The following OLFM3 variants were observed in gnomAD, a reference collection of about 807,000 sequenced individuals.
OLFM3 encodes the protein noelin-3.
A neutral mutation model predicts 48.6 loss-of-function variants in OLFM3; 20 were observed. That is an observed-to-expected ratio of 0.41 (90% confidence interval 0.29 to 0.60). The LOEUF (loss-of-function observed/expected upper bound fraction) is 0.60. Ranked by LOEUF, OLFM3 falls within the 20% of genes least tolerant of loss-of-function variation. The pLI is 0.28. For synonymous variants in OLFM3, 222 were observed against 198.1 expected (o/e 1.12, Z -1.01); for missense variants, 437 against 544.3 (o/e 0.80, Z 1.96).
At position 101,993,764 on chromosome 1, in the gene OLFM3, TG is replaced by T. The variant is rs576391264; in HGVS notation, c.69+2983del. ...AAGAATACCAATCTTGCCAATTTTT[TG>T]ATACAGTAAATGAGAGAAAAGAAAC... On this transcript the variant is annotated intron_variant, in intron 1 of 5. Transcript: ENST00000370103. Among the ~76,000 whole-genome samples the T allele has an allele frequency of 3.4e-3, 525 of 152,174 alleles. 4 individuals carry two copies. Among genetic ancestry groups the T allele is most frequent in the African/African-American group, 0.012 (481 of 41,554 alleles).
intron 1 of OLFM3, among the ~76,000 whole-genome samples, chr1:101,908,323 A>G (rs1282044436): frequency 6.6e-6 from 1 of 152,206 alleles, no homozygotes; most frequent in Non-Finnish European, 1.5e-5. Flanking sequence ...GTCTATATCT[A>G]AAAGAACAAA....
intron 3 of OLFM3, among the ~76,000 whole-genome samples, chr1:101,828,770 G>A (rs1390258691): frequency 2.0e-5 from 3 of 152,016 alleles, no homozygotes; most frequent in African/African-American, 7.3e-5. Flanking sequence ...CTCTCCTCCT[G>A]ACTAGTTCCT....
intron 1 of OLFM3, among the ~76,000 whole-genome samples, chr1:101,993,182 A>C (rs1339792264): frequency 6.6e-6 from 1 of 152,154 alleles, no homozygotes; most frequent in Non-Finnish European, 1.5e-5. Flanking sequence ...GTTGTGTTTG[A>C]AACCTGCTCA....
chr1:101,907,929 C>T (rs544726454), intron 1 of OLFM3, among the ~76,000 whole-genome samples: 3 of 152,260 alleles, frequency 2.0e-5, no homozygotes, highest in South Asian at 2.1e-4. Context: ...CCTCTACTCA[C>T]GTATTATTAT....
At chr1:101,984,578 T>G (rs1661185223) in intron 1 of OLFM3, among the ~76,000 whole-genome samples, 1 of 152,170 alleles carries the variant, frequency 6.6e-6, no homozygotes, top group Non-Finnish European at 1.5e-5. Flanking sequence ...TTTTGTATTT[T>G]TAGTAGAGAC....
chr1:101,871,546 G>T (rs538842086), intron 1 of OLFM3, among the ~76,000 whole-genome samples: 1 of 152,000 alleles, frequency 6.6e-6, no homozygotes, highest in Non-Finnish European at 1.5e-5. Context: ...ACTATCAATA[G>T]ACACAAACCC....
At chr1:101,857,042 T>C (rs933786358) in intron 1 of OLFM3, among the ~76,000 whole-genome samples, 12 of 152,008 alleles carry the variant, frequency 7.9e-5, no homozygotes, top group African/African-American at 2.2e-4. Context: ...AAATTTACTA[T>C]GGGCCCTGAA....
chr1:101,896,004 T>TAATAATAATAAA (rs1553178073), intron 1 of OLFM3, among the ~76,000 whole-genome samples: 1 of 137,886 alleles, frequency 7.3e-6, no homozygotes, highest in African/African-American at 2.5e-5. Flanking sequence ...ATAATAATAA[T>TAATAATAATAAA]AAAAGTATGC....
At chr1:101,898,576 T>C (rs1381514196) in intron 1 of OLFM3, among the ~76,000 whole-genome samples, 3 of 152,244 alleles carry the variant, frequency 2.0e-5, no homozygotes, top group Non-Finnish European at 2.9e-5. Context: ...AGGCCGGGCA[T>C]GGTCGCTCAT....
intron 1 of OLFM3, chr1:101,846,861 G>C (rs192943638): frequency 1.9e-6 from 3 of 1,611,834 alleles, no homozygotes; most frequent in South Asian, 1.1e-5. Context: ...ATCCGGAGTC[G>C]ACAGCCTCGT....
intron 1 of OLFM3, among the ~76,000 whole-genome samples, chr1:101,839,021 G>T (rs1304114350): frequency 6.6e-6 from 1 of 152,180 alleles, no homozygotes; most frequent in Non-Finnish European, 1.5e-5. Flanking sequence ...CAACAATCAT[G>T]AGCAAATATT....
intron 1 of OLFM3, among the ~76,000 whole-genome samples, chr1:101,921,314 C>T (rs1659087948): frequency 6.6e-6 from 1 of 151,734 alleles, no homozygotes; most frequent in Non-Finnish European, 1.5e-5. Flanking sequence ...TACAGCAGAA[C>T]AAGAGTAAAA....
intron 4 of OLFM3, among the ~76,000 whole-genome samples, chr1:101,815,499 A>G (rs1654293106): frequency 6.6e-6 from 1 of 151,744 alleles, no homozygotes; most frequent in Non-Finnish European, 1.5e-5. Context: ...GTGAAAGATG[A>G]TGGAAGCAGT....
intron 3 of OLFM3, among the ~76,000 whole-genome samples, chr1:101,825,938 T>A (rs1165983832): frequency 1.3e-5 from 2 of 152,222 alleles, no homozygotes; most frequent in African/African-American, 4.8e-5. Context: ...TGTTACTGTT[T>A]ACTATTTTGA....
At chr1:101,869,491 G>A (rs1218093285) in intron 1 of OLFM3, among the ~76,000 whole-genome samples, 1 of 152,154 alleles carries the variant, frequency 6.6e-6, no homozygotes, top group Non-Finnish European at 1.5e-5. Flanking sequence ...GGGTGGAAAG[G>A]ACTTACCTTG....
intron 1 of OLFM3, among the ~76,000 whole-genome samples, chr1:101,878,772 A>C (rs1277810016): frequency 6.6e-6 from 1 of 151,936 alleles, no homozygotes; most frequent in African/African-American, 2.4e-5. Flanking sequence ...AAACAGAAGC[A>C]ACCACAGTCC....
intron 1 of OLFM3, among the ~76,000 whole-genome samples, chr1:101,862,806 G>T (rs1656707442): frequency 6.6e-6 from 1 of 152,134 alleles, no homozygotes; most frequent in African/African-American, 2.4e-5. Flanking sequence ...TGACCATGAG[G>T]AAGCATTTCA....
chr1:101,946,621 G>A (rs1260712242), intron 1 of OLFM3, among the ~76,000 whole-genome samples: 2 of 152,066 alleles, frequency 1.3e-5, no homozygotes, highest in East Asian at 1.9e-4. Context: ...CAGTTATTTA[G>A]GCATTAATGT....
At chr1:101,876,754 A>G (rs75135239) in intron 1 of OLFM3, among the ~76,000 whole-genome samples, 6,736 of 151,978 alleles carry the variant, frequency 0.044, 316 homozygotes, top group East Asian at 0.21. Context: ...CCTGAATTCT[A>G]TATGTTAAAA....
Sources: allele counts gnomAD v4.1 joint callset (sites outside exome capture counted in the v4.1 genomes callset), GRCh38; gene constraint gnomAD v4.1.1; transcripts MANE v1.5; gene names NCBI Gene and HGNC (gene_info 2026-07-23, HGNC 2026-07-21).